C1orf162: variants seen among roughly 807,000 people sequenced by gnomAD.
The protein encoded by C1orf162 is chromosome 1 open reading frame 162, also known as transmembrane protein C1orf162.
In C1orf162, 10 loss-of-function variants were observed where a neutral mutation model predicts 11.4. The observed-to-expected ratio is 0.88, with a 90% CI of 0.54 to 1.48. The LOEUF is 1.48. Ranked by LOEUF, C1orf162 falls within the 40% of genes most tolerant of loss-of-function variation. The pLI is 0.00. For missense variants in C1orf162, 140 were observed against 149.5 expected (o/e 0.94, Z 0.33); for synonymous variants, 53 against 55.0 (o/e 0.96, Z 0.16).
At position 111,477,726 on chromosome 1, in the gene C1orf162, A is replaced by T; in HGVS notation, c.203A>T (p.Tyr68Phe). The T allele has an allele frequency of 6.2e-7, 1 of 1,613,876 alleles. No homozygotes were observed. Among genetic ancestry groups the T allele is most frequent in the Non-Finnish European group, 8.5e-7 (1 of 1,179,936 alleles). The change falls in exon 5 of 6, where the codon TAT becomes TTT. Residue 68 changes from tyrosine (Y) to phenylalanine (F), a missense_variant and splice_region_variant. By Grantham distance (22) the Tyr-to-Phe change is conservative. Transcript: ENST00000369718. ...CCTCTTCTTTCTGGCACCATGGCAGATCACTCCAAGCCCCAGGCCCCAGAT... is the reference window on the plus strand; with the variant it reads ...CCTCTTCTTTCTGGCACCATGGCAGTTCACTCCAAGCCCCAGGCCCCAGAT... ...IFLIIKSYRK[Y>F]HSKPQAPDPH...
intron 1 of C1orf162, chr1:111,475,491 A>G (rs1653960010): frequency 6.3e-6 from 1 of 158,726 alleles, no homozygotes. Flanking sequence ...GGTCTCCAAG[A>G]GCAAGTTTGT....
rs1257741088 is a variant in C1orf162 at position 111,476,007 on chromosome 1, T to C, written c.-11-11T>C. Reference sequence around the variant, plus strand: ...CCAAGCTTTCTAAGAGATACCTTGTTTTATTCTCAGGGGATGACAGCATGG... The same window carrying C: ...CCAAGCTTTCTAAGAGATACCTTGTCTTATTCTCAGGGGATGACAGCATGG... On this transcript the variant is annotated splice_polypyrimidine_tract_variant and intron_variant, in intron 1 of 5. Transcript: ENST00000369718. 2.5e-6 allele frequency: 4 copies of C among 1,611,812 alleles called. No homozygotes were observed. The highest frequency in any genetic ancestry group is 3.4e-6 in the Non-Finnish European group (4 of 1,177,970).
intron 5 of C1orf162, 79 bp downstream of exon 5, chr1:111,477,854 T>A: frequency 6.3e-7 from 1 of 1,597,038 alleles, no homozygotes; most frequent in Non-Finnish European, 8.6e-7. Context: ...CATTATCTGC[T>A]AGAATGGTGG....
In C1orf162 at chr1:111,477,429, G is replaced by T. The variant is rs375173716; in HGVS notation, c.202+1G>T. The stretch of plus-strand genomic sequence containing the variant: ...CTCATCATAAAGAGCTACAGAAAAT[G>T]TAAGTGGTCTCCAAGGGATAGGACA... On this transcript the variant is annotated splice_donor_variant, in intron 4 of 5. Coordinates refer to ENST00000369718, the MANE Select transcript of C1orf162 (RefSeq NM_001300834.2). LOFTEE classifies it high-confidence loss of function. The T allele has an allele frequency of 6.2e-7, 1 of 1,610,508 alleles. No homozygotes were observed. Among genetic ancestry groups the T allele is most frequent in the South Asian group, 1.1e-5 (1 of 90,994 alleles).
chr1:111,476,550 A>ATT (rs34481842), intron 2 of C1orf162, among the ~76,000 whole-genome samples: 6,402 of 148,976 alleles, frequency 0.043, 247 homozygotes, highest in East Asian at 0.18. Flanking sequence ...AACATATGAG[A>ATT]TTTTTTTTTT....
Position 111,477,609 on chromosome 1 carries a change from C to G in C1orf162, c.203-117C>G, listed in dbSNP as rs779088748. On this transcript the variant is annotated intron_variant, in intron 4 of 5. Transcript: ENST00000369718. ...ATTTTTCTTCCGCCCTGCCCCCCAC[C>G]CACCTGCCAACACCTCCTCCCCACC... is the stretch of plus-strand genomic sequence containing the variant. The G allele has an allele frequency of 7.0e-6, 11 of 1,579,424 alleles. No individual in the cohort carries two copies. The East Asian group carries it at 2.3e-4, about 32-fold the overall frequency.
rs1054680 is a variant in C1orf162, at chr1:111,478,407, A to C, written c.*284A>C. 1 of 476,478 alleles carries C rather than the reference A, an allele frequency of 2.1e-6. No homozygotes were observed. The highest frequency in any genetic ancestry group is 3.8e-5 in the East Asian group (1 of 26,178). 29.5% of individuals were successfully genotyped at this position (476,478 alleles called of 1,614,324 possible). ...TGGACCCTTCCAAAGTGTGTGGTAC[A>C]GAGCTCAGTGCACAGAGTATTCACC... On this transcript the variant is annotated 3_prime_UTR_variant, in exon 6 of 6. Coordinates refer to ENST00000369718, the MANE Select transcript of C1orf162 (RefSeq NM_001300834.2).
chr1:111,477,343 T>C lies in C1orf162; in HGVS notation c.117T>C (p.His39=), dbSNP rs1654024255. 2 of 1,613,880 alleles carry C rather than the reference T, an allele frequency of 1.2e-6. No homozygotes were observed. The highest frequency in any genetic ancestry group is 1.7e-6 in the Non-Finnish European group (2 of 1,179,898). The change falls in exon 4 of 6, where the codon CAT becomes CAC. Residue 39 remains histidine, a synonymous_variant. Transcript: ENST00000369718. ...TTCTTTGCCAAAACAGCAAAAAACA[T>C]TTAATCCTTGCCTTTTGTGCTGGGG... The part of the protein sequence containing the change: ...PCLSNHHNKK[H]LILAFCAGVL...
chr1:111,474,311 T>C (rs1653924717), intron 1 of C1orf162, among the ~76,000 whole-genome samples: 1 of 152,250 alleles, frequency 6.6e-6, no homozygotes, highest in African/African-American at 2.4e-5. Context: ...CTGCTTTTCT[T>C]GGCCTGGATT....
intron 2 of C1orf162, 115 bp from the exon 3 acceptor site, chr1:111,476,683 C>G: frequency 1.1e-6 from 1 of 926,360 alleles, no homozygotes; most frequent in South Asian, 1.3e-5. Context: ...AGTTGCAGCC[C>G]CATCCTTAAT....
chr1:111,476,972 G>A lies in C1orf162; in HGVS notation c.107+105G>A, dbSNP rs1214051422. The A allele has an allele frequency of 5.7e-6, 7 of 1,226,854 alleles. No homozygotes were observed. The African/African-American group carries it at 7.5e-5, about 13-fold the overall frequency. The allele number at this position is 1,226,854 out of a possible 1,614,324, so 76.0% of individuals were successfully genotyped here. ...TTGGGCAGGGAGACTGGGGAGAAAGGACTAGAAACAGTAAAAGAACAAAGT... is the reference window on the plus strand; with the variant it reads ...TTGGGCAGGGAGACTGGGGAGAAAGAACTAGAAACAGTAAAAGAACAAAGT... On this transcript the variant is annotated intron_variant, in intron 3 of 5. Transcript: ENST00000369718.
chr1:111,474,008 A>G lies in C1orf162; in HGVS notation c.-34A>G, dbSNP rs1055588793. 7 of 152,240 alleles carry G rather than the reference A, an allele frequency of 4.6e-5. No individual in the cohort carries two copies. Among genetic ancestry groups the G allele is most frequent in the Non-Finnish European group, 1.0e-4 (7 of 68,034 alleles). 9.4% of individuals were successfully genotyped at this position (152,240 alleles called of 1,614,324 possible). A position where few individuals can be genotyped will look rare whatever the true frequency, so the allele number is the denominator to read the frequency against. ...CAGTCTTAGACGACTGCGTCGTGCT[A>G]TGACCGGACTTTTTCTTGAAAGGTA... On this transcript the variant is annotated 5_prime_UTR_variant, in exon 1 of 6. The change abolishes an upstream ATG in the 5' untranslated region. Transcript: ENST00000369718.
intron 5 of C1orf162, 99 bp from the exon 6 acceptor site, chr1:111,477,884 G>A (rs1654052699): frequency 6.3e-7 from 1 of 1,596,370 alleles, no homozygotes; most frequent in South Asian, 1.1e-5. Flanking sequence ...CCAGACACTG[G>A]GCAAGTGATT....
chr1:111,477,359 T>TCCA lies in C1orf162; in HGVS notation c.133_134insCCA (p.Cys45delinsSerSer), dbSNP rs1654025334. On this transcript the variant is annotated protein_altering_variant, in exon 4 of 6. Transcript: ENST00000369718. Reference sequence around the variant, plus strand: ...CAAAAAACATTTAATCCTTGCCTTTTGTGCTGGGGTTCTACTGACACTGCT... The same window carrying TCCA: ...CAAAAAACATTTAATCCTTGCCTTTTCCAGTGCTGGGGTTCTACTGACACTGCT... The TCCA allele has an allele frequency of 6.2e-7, 1 of 1,614,042 alleles. No individual in the cohort carries two copies. Among genetic ancestry groups the TCCA allele is most frequent in the Non-Finnish European group, 8.5e-7 (1 of 1,180,008 alleles).
intron 1 of C1orf162, chr1:111,475,443 T>G (rs1329791288): frequency 1.3e-5 from 2 of 152,432 alleles, no homozygotes; most frequent in African/African-American, 4.8e-5. Flanking sequence ...AGATAATACG[T>G]GAACAGATTA....
Position 111,478,204 on chromosome 1 carries a change from A to AT in C1orf162, c.*85dup. ...ACACATCACTTTCACTTTTTTACAA[A>AT]TTTTGGACCACCACCTGTGTGAAAC... is the stretch of plus-strand genomic sequence containing the variant. On this transcript the variant is annotated 3_prime_UTR_variant, in exon 6 of 6. Coordinates refer to ENST00000369718, the MANE Select transcript of C1orf162 (RefSeq NM_001300834.2). The AT allele has an allele frequency of 6.5e-7, 1 of 1,548,124 alleles. No individual in the cohort carries two copies. The highest frequency in any genetic ancestry group is 8.9e-7 in the Non-Finnish European group (1 of 1,126,870).
intron 5 of C1orf162, 30 bp downstream of exon 5, chr1:111,477,805 T>G (rs1654050044): frequency 6.2e-7 from 1 of 1,613,268 alleles, no homozygotes; most frequent in Non-Finnish European, 8.5e-7. Flanking sequence ...TTGGGGACAC[T>G]GAAGGGCTAC....
chr1:111,476,718 G>A, intron 2 of C1orf162, 80 bp from the exon 3 acceptor site: 4 of 1,412,142 alleles, frequency 2.8e-6, no homozygotes, highest in Non-Finnish European at 4.0e-6. Context: ...TGGGTAGAAT[G>A]GGGCACCTGG....
chr1:111,476,973 A>G, intron 3 of C1orf162, 106 bp downstream of exon 3: 2 of 1,218,922 alleles, frequency 1.6e-6, no homozygotes, highest in Non-Finnish European at 2.4e-6. Context: ...GGGAGAAAGG[A>G]CTAGAAACAG....
Sources: gnomAD v4.1 joint callset for allele counts (sites outside exome capture counted in the v4.1 genomes callset) on GRCh38, gnomAD v4.1.1 for gene constraint, MANE v1.5 for transcripts, NCBI Gene and HGNC (gene_info 2026-07-23, HGNC 2026-07-21) for gene names.